Variants in ALDH1A2 observed in about 807,000 individuals in gnomAD.
The protein encoded by ALDH1A2 is aldehyde dehydrogenase 1 family member A2.
Under a neutral mutation model 60.3 loss-of-function variants are expected in ALDH1A2, and 27 were observed. That is an observed-to-expected ratio of 0.45 (90% CI 0.33 to 0.62). ALDH1A2 has a LOEUF of 0.62. ALDH1A2 is among the 20% of genes least tolerant of loss of function. ALDH1A2 has a pLI of 0.02. For missense variants in ALDH1A2, 581 were observed against 643.8 expected, an observed-to-expected ratio of 0.90 and a Z score of 1.06; for synonymous variants, 289 against 232.4, an observed-to-expected ratio of 1.24 and a Z score of -2.21.
intron 1 of ALDH1A2, among the ~76,000 whole-genome samples, chr15:58,064,157 CATAAA>C (rs774325162): frequency 4.6e-5 from 7 of 152,066 alleles, no homozygotes; most frequent in Non-Finnish European, 8.8e-5. Context: ...TAGAGACCCT[CATAAA>C]ATAAAACTTC....
chr15:58,039,205 G>A (rs910125678), intron 1 of ALDH1A2, among the ~76,000 whole-genome samples: 2 of 151,644 alleles, frequency 1.3e-5, no homozygotes, highest in Non-Finnish European at 2.9e-5. Context: ...CTGGACAAGC[G>A]ATGACACATA....
intron 5 of ALDH1A2, among the ~76,000 whole-genome samples, chr15:57,994,462 T>C (rs4775008): frequency 0.9 from 136,881 of 152,192 alleles, 62,501 homozygotes; most frequent in East Asian, 1. Context: ...TTAAAAGCTA[T>C]GGTCATGTTT....
At position 58,047,513 on chromosome 15, in the gene ALDH1A2, T is replaced by C. The variant is rs1896665021; in HGVS notation, c.117+18021A>G. Among the ~76,000 whole-genome samples the C allele has an allele frequency of 4.6e-5, 7 of 152,122 alleles. No individual in the cohort carries two copies. The South Asian group carries it at 6.2e-4, about 14-fold the overall frequency. On this transcript the variant is annotated intron_variant, in intron 1 of 12. Coordinates refer to ENST00000249750, the MANE Select transcript of ALDH1A2 (RefSeq NM_003888.4). Reference sequence around the variant, plus strand: ...AGAGATTTAAGAACAACCAAAAAAATGGCAGCGCTATCATTTACCTATAAA... The same window carrying C: ...AGAGATTTAAGAACAACCAAAAAAACGGCAGCGCTATCATTTACCTATAAA...
intron 12 of ALDH1A2, among the ~76,000 whole-genome samples, chr15:57,955,524 A>G (rs1245648499): frequency 6.6e-6 from 1 of 152,220 alleles, no homozygotes; most frequent in Non-Finnish European, 1.5e-5. Context: ...TTAAAAGGTG[A>G]CTTGTTTTCA....
chr15:58,059,791 C>T (rs1896975401), intron 1 of ALDH1A2, among the ~76,000 whole-genome samples: 1 of 152,062 alleles, frequency 6.6e-6, no homozygotes, highest in African/African-American at 2.4e-5. Context: ...TTGGTAAAAA[C>T]GCAGTGTAAA....
At chr15:57,965,906 C>A in intron 7 of ALDH1A2, 79 bp from the exon 8 acceptor site, 4 of 1,053,050 alleles carry the variant, frequency 3.8e-6, no homozygotes, top group Non-Finnish European at 5.9e-6. Flanking sequence ...CTCAGGGCAT[C>A]AATGGGATGC....
At chr15:57,968,126 A>C (rs1009180498) in intron 7 of ALDH1A2, among the ~76,000 whole-genome samples, 1 of 152,186 alleles carries the variant, frequency 6.6e-6, no homozygotes. Flanking sequence ...GGGGAATCCA[A>C]ATTAACTGAT....
rs35145994 is a variant in ALDH1A2, at chr15:57,954,901, A to G, written c.*296T>C. The G allele has an allele frequency of 3.3e-3, 1,600 of 480,658 alleles. 24 individuals carry two copies. Among genetic ancestry groups the G allele is most frequent in the African/African-American group, 0.028 (1,435 of 51,268 alleles). The allele number at this position is 480,658 out of a possible 1,614,324, so 29.8% of individuals were successfully genotyped here. A position where few individuals can be genotyped will look rare whatever the true frequency, so the allele number is the denominator to read the frequency against. On this transcript the variant is annotated 3_prime_UTR_variant, in exon 13 of 13. Coordinates refer to ENST00000249750, the MANE Select transcript of ALDH1A2 (RefSeq NM_003888.4). ...AGACATGAAATAATACAGCTCCCTT[A>G]TTTCATCCTGTGCTCCAGAAGGAGA...
At chr15:58,020,330 C>G (rs1315380942) in intron 1 of ALDH1A2, among the ~76,000 whole-genome samples, 1 of 152,138 alleles carries the variant, frequency 6.6e-6, no homozygotes, top group Non-Finnish European at 1.5e-5. Flanking sequence ...TGGGTGTATA[C>G]CCAGTAATGG....
chr15:57,979,197 G>A (rs1379717694), intron 7 of ALDH1A2, among the ~76,000 whole-genome samples: 2 of 152,126 alleles, frequency 1.3e-5, no homozygotes, highest in Non-Finnish European at 2.9e-5. Flanking sequence ...TTGGGAGCCT[G>A]AGATATTTAG....
chr15:57,983,157 G>C (rs140533836), intron 7 of ALDH1A2, among the ~76,000 whole-genome samples: 1 of 152,128 alleles, frequency 6.6e-6, no homozygotes, highest in Non-Finnish European at 1.5e-5. Flanking sequence ...AACTGCATTC[G>C]CTATTGAAAG....
At chr15:58,038,088 G>C (rs186484519) in intron 1 of ALDH1A2, among the ~76,000 whole-genome samples, 92 of 151,512 alleles carry the variant, frequency 6.1e-4, no homozygotes, top group Non-Finnish European at 1.1e-3. Context: ...CTTAAGCTAT[G>C]GGTTTCCCTG....
intron 7 of ALDH1A2, among the ~76,000 whole-genome samples, chr15:57,966,511 T>C (rs1893901841): frequency 6.6e-6 from 1 of 152,216 alleles, no homozygotes; most frequent in Non-Finnish European, 1.5e-5. Context: ...TTAGAGCCCC[T>C]GCTCAAGGCA....
At chr15:58,059,027 A>G (rs889324310) in intron 1 of ALDH1A2, among the ~76,000 whole-genome samples, 5 of 152,206 alleles carry the variant, frequency 3.3e-5, no homozygotes, top group African/African-American at 1.2e-4. Context: ...TCCAACAGAG[A>G]CTTGTTGTAA....
intron 1 of ALDH1A2, among the ~76,000 whole-genome samples, chr15:58,019,934 T>G (rs1031390084): frequency 1.3e-5 from 2 of 152,158 alleles, no homozygotes; most frequent in Admixed American, 6.6e-5. Context: ...TCACCTAGGT[T>G]TAAGCCCCCC....
chr15:58,002,094 G>A (rs1485618797), intron 4 of ALDH1A2, among the ~76,000 whole-genome samples: 2 of 151,846 alleles, frequency 1.3e-5, no homozygotes, highest in East Asian at 1.9e-4. Flanking sequence ...CTTTTCTGAT[G>A]AGTTTTGATA....
intron 1 of ALDH1A2, among the ~76,000 whole-genome samples, chr15:58,015,602 G>C (rs1029093010): frequency 2.1e-4 from 32 of 152,300 alleles, no homozygotes; most frequent in Middle Eastern, 3.4e-3. Flanking sequence ...GAAAAATAAA[G>C]ATGGTTAAGA....
chr15:57,995,185 A>G (rs1180489980), intron 4 of ALDH1A2, 46 bp from the exon 5 acceptor site: 1 of 1,370,892 alleles, frequency 7.3e-7, no homozygotes, highest in Admixed American at 1.7e-5. Context: ...TAGATTAGGA[A>G]AAAAAATGCA....
intron 1 of ALDH1A2, among the ~76,000 whole-genome samples, chr15:58,015,378 G>GT (rs1306049679): frequency 6.6e-6 from 1 of 152,202 alleles, no homozygotes; most frequent in Non-Finnish European, 1.5e-5. Flanking sequence ...ATGAGCCCAT[G>GT]TAGAAGGAGG....
Sources: gnomAD v4.1 joint callset for allele counts (sites outside exome capture counted in the v4.1 genomes callset) on GRCh38, gnomAD v4.1.1 for gene constraint, MANE v1.5 for transcripts, NCBI Gene and HGNC (gene_info 2026-07-23, HGNC 2026-07-21) for gene names.